Variants in NARS2 observed in about 807,000 individuals in gnomAD.
NARS2 encodes asparaginyl-tRNA synthetase.
NARS2 carries 60 observed loss-of-function variants against 62.9 expected under a neutral mutation model. The observed-to-expected ratio is 0.95, with a 90% CI of 0.77 to 1.18. NARS2 has a LOEUF of 1.18. Among genes scored for constraint, NARS2 ranks in the 50% most tolerant of loss-of-function variants. The pLI is 0.00. For synonymous variants in NARS2, 196 were observed against 200.0 expected (o/e 0.98, Z 0.17); for missense variants, 619 against 576.4 (o/e 1.07, Z -0.76).
chr11:78,504,474 G>T (rs1860413612), intron 6 of NARS2, among the ~76,000 whole-genome samples: 1 of 144,492 alleles, frequency 6.9e-6, no homozygotes, highest in South Asian at 2.3e-4. Context: ...GGGTATATGT[G>T]GGAAATAAAA....
intron 11 of NARS2, among the ~76,000 whole-genome samples, chr11:78,457,439 C>T (rs1046005225): frequency 6.6e-6 from 1 of 152,038 alleles, no homozygotes; most frequent in Non-Finnish European, 1.5e-5. Context: ...GTCATCTGGC[C>T]CAAAGCTTCT....
chr11:78,538,286 A>G (rs1855447294), intron 5 of NARS2, among the ~76,000 whole-genome samples: 1 of 152,220 alleles, frequency 6.6e-6, no homozygotes, highest in Non-Finnish European at 1.5e-5. Context: ...TGCCTAGACT[A>G]GTAAAAATGA....
intron 5 of NARS2, among the ~76,000 whole-genome samples, chr11:78,552,070 T>A (rs1856142353): frequency 6.6e-6 from 1 of 152,198 alleles, no homozygotes; most frequent in South Asian, 2.1e-4. Context: ...CATGGGAGTT[T>A]GTTGTACATA....
At chr11:78,513,231 C>T (rs1173965982) in intron 6 of NARS2, among the ~76,000 whole-genome samples, 1 of 151,942 alleles carries the variant, frequency 6.6e-6, no homozygotes, top group Non-Finnish European at 1.5e-5. Flanking sequence ...GCCTGGGTGA[C>T]GGAGTGAGAC....
intron 6 of NARS2, among the ~76,000 whole-genome samples, chr11:78,522,151 G>T (rs1311504263): frequency 1.4e-5 from 2 of 147,596 alleles, no homozygotes; most frequent in African/African-American, 5.2e-5. Context: ...TAGAGATAAG[G>T]TTTCGTGTGT....
intron 3 of NARS2, among the ~76,000 whole-genome samples, chr11:78,567,280 A>C (rs1856774808): frequency 6.6e-6 from 1 of 152,216 alleles, no homozygotes; most frequent in Non-Finnish European, 1.5e-5. Context: ...TTTCTTCCAC[A>C]ACAATGGCCA....
intron 5 of NARS2, chr11:78,533,136 G>C (rs1161281926): frequency 6.6e-6 from 1 of 152,146 alleles, no homozygotes; most frequent in Non-Finnish European, 1.5e-5. Context: ...AACAGCTGGA[G>C]CCCCAGCACC....
rs191075722 is a variant in NARS2 at position 78,509,721 on chromosome 11, T to C, written c.690-16526A>G. On this transcript the variant is annotated intron_variant, in intron 6 of 13. Transcript: ENST00000281038. ...ACTGAAAGGGGTGAAGAAGGGGCTG[T>C]TAAAAGTGCAGTCAAGAATCCCTTG... Among the ~76,000 whole-genome samples, 267 of 151,084 alleles carry C rather than the reference T, an allele frequency of 1.8e-3. 3 individuals are homozygous for C. The highest frequency in any genetic ancestry group is 6.8e-3 in the Middle Eastern group (2 of 292).
intron 6 of NARS2, among the ~76,000 whole-genome samples, chr11:78,505,890 T>C (rs1172733349): frequency 6.6e-6 from 1 of 152,046 alleles, no homozygotes; most frequent in East Asian, 1.9e-4. Context: ...GCTTCTGGTC[T>C]TCAAAAAAAC....
intron 5 of NARS2, among the ~76,000 whole-genome samples, chr11:78,553,795 G>A (rs1856221846): frequency 6.6e-6 from 1 of 152,128 alleles, no homozygotes; most frequent in Admixed American, 6.5e-5. Context: ...TGTTGTAATT[G>A]CTTTTGATGT....
chr11:78,482,080 G>A (rs1411842998), intron 7 of NARS2, among the ~76,000 whole-genome samples: 1 of 152,136 alleles, frequency 6.6e-6, no homozygotes, highest in African/African-American at 2.4e-5. Flanking sequence ...ACCTTTGTGT[G>A]TAATTATGTA....
chr11:78,529,806 C>A (rs2135429507), intron 5 of NARS2, among the ~76,000 whole-genome samples: 1 of 152,234 alleles, frequency 6.6e-6, no homozygotes, highest in African/African-American at 2.4e-5. Flanking sequence ...GATTTATAGG[C>A]ATGAGTCCCT....
At chr11:78,554,158 G>A (rs780720460) in intron 5 of NARS2, among the ~76,000 whole-genome samples, 1 of 152,102 alleles carries the variant, frequency 6.6e-6, no homozygotes, top group Non-Finnish European at 1.5e-5. Context: ...AGTATAGTTG[G>A]GTAACATGAT....
At chr11:78,533,062 G>A (rs1284026272) in intron 5 of NARS2, 1 of 152,024 alleles carries the variant, frequency 6.6e-6, no homozygotes, top group Non-Finnish European at 1.5e-5. Flanking sequence ...ATTATTTCAG[G>A]GTGACATTTT....
At chr11:78,553,334 G>A (rs1332705877) in intron 5 of NARS2, among the ~76,000 whole-genome samples, 1 of 151,714 alleles carries the variant, frequency 6.6e-6, no homozygotes, top group Admixed American at 6.6e-5. Flanking sequence ...TGTTACCTAG[G>A]CTAGAGTGCA....
chr11:78,497,805 C>G (rs1445266852), intron 6 of NARS2, among the ~76,000 whole-genome samples: 2 of 152,104 alleles, frequency 1.3e-5, no homozygotes, highest in African/African-American at 4.8e-5. Context: ...AGAGATGCAG[C>G]CTTCACCATT....
chr11:78,444,875 A>G (rs1373396504), intron 11 of NARS2, among the ~76,000 whole-genome samples: 1 of 152,244 alleles, frequency 6.6e-6, no homozygotes, highest in Non-Finnish European at 1.5e-5. Context: ...TCTGGTCAGC[A>G]ATTTGGCAAC....
intron 11 of NARS2, among the ~76,000 whole-genome samples, chr11:78,444,792 A>C (rs1857700993): frequency 6.6e-6 from 1 of 152,102 alleles, no homozygotes. Flanking sequence ...AAGAAAAAAT[A>C]TAGGAAAATA....
intron 5 of NARS2, among the ~76,000 whole-genome samples, chr11:78,546,806 T>C (rs1187751906): frequency 7.2e-5 from 11 of 152,210 alleles, no homozygotes; most frequent in Non-Finnish European, 1.6e-4. Flanking sequence ...GACGGAACTA[T>C]AAACAAGGAT....
Sources: gnomAD v4.1 joint callset for allele counts (sites outside exome capture counted in the v4.1 genomes callset) on GRCh38, gnomAD v4.1.1 for gene constraint, MANE v1.5 for transcripts, NCBI Gene and HGNC (gene_info 2026-07-23, HGNC 2026-07-21) for gene names.